The following OPA1 variants were observed in gnomAD, a reference collection of about 807,000 sequenced individuals.
OPA1 encodes the protein OPA1 mitochondrial dynamin like GTPase.
A neutral mutation model predicts 152.9 loss-of-function variants in OPA1; 59 were observed. The observed-to-expected ratio is 0.39, with a 90% CI of 0.31 to 0.48. The LOEUF is 0.48. OPA1 is among the 20% of genes least tolerant of loss of function. OPA1 has a pLI of 0.96. For missense variants in OPA1, 1,008 were observed against 1,216.8 expected (o/e 0.83, Z 2.55); for synonymous variants, 400 against 389.9 (o/e 1.03, Z -0.31).
At chr3:193,648,940 TTAGA>T in intron 21 of OPA1, 69 bp downstream of exon 21, 1 of 1,086,750 alleles carries the variant, frequency 9.2e-7, no homozygotes, top group Non-Finnish European at 1.4e-6. Flanking sequence ...ATGCTAAAAC[TTAGA>T]TTGATAAAGC....
rs1472356396 is a variant in OPA1 at position 193,626,099 on chromosome 3, T to C, written c.686T>C (p.Leu229Pro). 2 of 1,613,834 alleles carry C rather than the reference T, an allele frequency of 1.2e-6. No individual in the cohort carries two copies. Among genetic ancestry groups the C allele is most frequent in the Admixed American group, 1.7e-5 (1 of 60,014 alleles). The change falls in exon 7 of 31, where the codon CTT (leucine) becomes CCT (proline). Residue 229 changes from leucine (L) to proline (P), a missense_variant. Physicochemically the swap from Leu to Pro is moderately conservative, Grantham distance 98. Transcript: ENST00000361510. ...ESDKHFRKGL[L>P]GELILLQQQI... Reference sequence around the variant, plus strand: ...ATTGTGAACTCGTGGCAGGGTCTGCTTGGTGAGCTCATTCTCTTACAACAA... The same window carrying C: ...ATTGTGAACTCGTGGCAGGGTCTGCCTGGTGAGCTCATTCTCTTACAACAA...
At chr3:193,669,029 AT>A in intron 29 of OPA1, 2 of 244,494 alleles carry the variant, frequency 8.2e-6, no homozygotes, top group Non-Finnish European at 1.3e-5. Flanking sequence ...TTCCTGTCTT[AT>A]TAGTTTTCTG....
chr3:193,658,240 C>T (rs111580579), intron 23 of OPA1, among the ~76,000 whole-genome samples: 2 of 120,426 alleles, frequency 1.7e-5, no homozygotes, highest in Non-Finnish European at 3.4e-5. Context: ...AGCAAAACTC[C>T]GTTTTCAAAA....
intron 29 of OPA1, among the ~76,000 whole-genome samples, chr3:193,673,565 C>T (rs1718380966): frequency 6.6e-6 from 1 of 152,142 alleles, no homozygotes; most frequent in African/African-American, 2.4e-5. Context: ...AGGTTGTGTT[C>T]CTACTTAGAA....
intron 19 of OPA1, 78 bp from the exon 20 acceptor site, chr3:193,647,992 T>G (rs1427771262): frequency 3.1e-6 from 3 of 956,870 alleles, no homozygotes; most frequent in Non-Finnish European, 5.1e-6. Context: ...ATACAGAGGA[T>G]ATGTATTTTA....
At chr3:193,631,576 T>C in intron 7 of OPA1, 36 bp from the exon 8 acceptor site, 1 of 1,505,650 alleles carries the variant, frequency 6.6e-7, no homozygotes, top group Non-Finnish European at 9.2e-7. Context: ...TGTATAAACC[T>C]AATTCTATTC....
At chr3:193,605,532 A>G (rs1408114453) in intron 1 of OPA1, among the ~76,000 whole-genome samples, 2 of 152,176 alleles carry the variant, frequency 1.3e-5, no homozygotes, top group Non-Finnish European at 2.9e-5. Flanking sequence ...AATTCTTCCT[A>G]TATCAGTTGG....
At chr3:193,595,074 G>A (rs1725292860) in intron 1 of OPA1, among the ~76,000 whole-genome samples, 2 of 152,192 alleles carry the variant, frequency 1.3e-5, no homozygotes, top group South Asian at 2.1e-4. Context: ...TACCATGGAT[G>A]CCATTGAGTC....
At chr3:193,640,590 C>T (rs1433692479) in intron 11 of OPA1, among the ~76,000 whole-genome samples, 1 of 152,096 alleles carries the variant, frequency 6.6e-6, no homozygotes, top group Non-Finnish European at 1.5e-5. Context: ...AAGACTGAGG[C>T]AGGAAGAAAA....
chr3:193,641,536 T>A (rs981638974), intron 11 of OPA1, among the ~76,000 whole-genome samples: 1 of 152,210 alleles, frequency 6.6e-6, no homozygotes, highest in African/African-American at 2.4e-5. Flanking sequence ...GACTACTTAA[T>A]AACTCGGAAT....
intron 23 of OPA1, among the ~76,000 whole-genome samples, chr3:193,658,260 A>G (rs1224135300): frequency 1.1e-5 from 1 of 94,702 alleles, no homozygotes; most frequent in Admixed American, 1.1e-4. Context: ...AAAAAAAAAA[A>G]AAAAGAAAGA....
chr3:193,669,326 A>G (rs1717406186), intron 29 of OPA1, among the ~76,000 whole-genome samples: 1 of 152,112 alleles, frequency 6.6e-6, no homozygotes, highest in African/African-American at 2.4e-5. Context: ...CTTTCGAGAC[A>G]TATCTCATTT....
intron 6 of OPA1, among the ~76,000 whole-genome samples, chr3:193,623,193 T>A (rs1730471929): frequency 6.6e-6 from 1 of 152,134 alleles, no homozygotes; most frequent in African/African-American, 2.4e-5. Flanking sequence ...TCTGGCCTTT[T>A]TTTGTAAGGC....
chr3:193,647,052 T>C lies in OPA1; in HGVS notation c.1755-13T>C, dbSNP rs774977210. The C allele has an allele frequency of 6.4e-7, 1 of 1,567,126 alleles. No homozygotes were observed. The highest frequency in any genetic ancestry group is 8.8e-7 in the Non-Finnish European group (1 of 1,141,720). On this transcript the variant is annotated splice_polypyrimidine_tract_variant and intron_variant, in intron 18 of 30. Coordinates refer to ENST00000361510, the MANE Select transcript of OPA1 (RefSeq NM_130837.3). ...TTTAATATACTTTAGCTCTTGTTATTTTTTTTTAATAGGACAAGCATGCTA... is the reference window on the plus strand; with the variant it reads ...TTTAATATACTTTAGCTCTTGTTATCTTTTTTTAATAGGACAAGCATGCTA...
chr3:193,602,759 A>G (rs1248000356), intron 1 of OPA1, among the ~76,000 whole-genome samples: 1 of 152,252 alleles, frequency 6.6e-6, no homozygotes, highest in Non-Finnish European at 1.5e-5. Flanking sequence ...CTGTGTCAGT[A>G]ACACCTTATT....
At chr3:193,645,226 A>G (rs1159039862) in intron 16 of OPA1, among the ~76,000 whole-genome samples, 1 of 152,110 alleles carries the variant, frequency 6.6e-6, no homozygotes, top group Non-Finnish European at 1.5e-5. Context: ...AATCTCACCA[A>G]CCTTTTTGAA....
intron 8 of OPA1, 27 bp from the exon 9 acceptor site, chr3:193,635,391 A>G (rs756327903): frequency 3.0e-5 from 41 of 1,367,704 alleles, no homozygotes; most frequent in Non-Finnish European, 3.9e-5. Flanking sequence ...TTTTGCTTAT[A>G]TAGTTACACT....
chr3:193,596,310 C>CTTTT (rs749136379), intron 1 of OPA1, among the ~76,000 whole-genome samples: 15,014 of 92,386 alleles, frequency 0.16, 852 homozygotes, highest in African/African-American at 0.22. Context: ...CTTTTCTTTT[C>CTTTT]CTTTCCTTTC....
At chr3:193,622,013 C>T (rs992818531) in intron 6 of OPA1, among the ~76,000 whole-genome samples, 2 of 151,972 alleles carry the variant, frequency 1.3e-5, no homozygotes, top group Non-Finnish European at 2.9e-5. Flanking sequence ...ATTTTCTGTG[C>T]TTTTGTTCTA....
Sources: gnomAD v4.1 joint callset for allele counts (sites outside exome capture counted in the v4.1 genomes callset) on GRCh38, gnomAD v4.1.1 for gene constraint, MANE v1.5 for transcripts, NCBI Gene and HGNC (gene_info 2026-07-23, HGNC 2026-07-21) for gene names.